Variants in LZTR1 observed in about 807,000 individuals in gnomAD.
LZTR1 encodes leucine zipper like post translational regulator 1, also known as leucine-zipper-like transcriptional regulator 1.
A neutral mutation model predicts 105.7 loss-of-function variants in LZTR1; 260 were observed. The observed-to-expected ratio is 2.46, with a 90% CI of 2.22 to 2.72. The LOEUF is 2.72. LZTR1 is among the 30% of genes most tolerant of loss of function. The probability of loss-of-function intolerance (pLI) is 0.00; values close to 1 mark genes in which losing one functional copy is unlikely to be tolerated. For missense variants in LZTR1, 1,214 were observed against 1,166.9 expected (o/e 1.04, Z -0.59); for synonymous variants, 490 against 476.4 (o/e 1.03, Z -0.37).
At chr22:20,982,635 T>C (rs1202347440) in intron 1 of LZTR1, 64 bp downstream of exon 1, 26 of 1,529,938 alleles carry the variant, frequency 1.7e-5, no homozygotes, top group Non-Finnish European at 2.2e-5. Flanking sequence ...CCAGGGCGGG[T>C]CCAGGGGCGA....
intron 2 of LZTR1, among the ~76,000 whole-genome samples, chr22:20,984,474 G>A (rs544178751): frequency 6.6e-6 from 1 of 152,334 alleles, no homozygotes; most frequent in South Asian, 2.1e-4. Flanking sequence ...TGACAACTGT[G>A]TAGCAATAAG....
chr22:20,983,864 C>T (rs1172587177), intron 2 of LZTR1, among the ~76,000 whole-genome samples: 1 of 152,184 alleles, frequency 6.6e-6, no homozygotes, highest in African/African-American at 2.4e-5. Context: ...GCCGGTGGGG[C>T]CCATTTACAA....
intron 16 of LZTR1, 92 bp from the exon 17 acceptor site, chr22:20,995,654 G>T (rs1601722632): frequency 1.3e-5 from 19 of 1,499,188 alleles, no homozygotes; most frequent in Non-Finnish European, 1.7e-5. Context: ...GTTCAGGGCA[G>T]CAACATGGGC....
chr22:20,996,300 G>A (rs1024861043), intron 18 of LZTR1, 188 bp downstream of exon 18: 13 of 653,210 alleles, frequency 2.0e-5, no homozygotes, highest in South Asian at 7.7e-5. Context: ...TGGCAAGGAG[G>A]GGTTTGCAGC....
intron 13 of LZTR1, 28 bp from the exon 14 acceptor site, chr22:20,994,076 G>A (rs901726849): frequency 1.3e-6 from 2 of 1,579,836 alleles, no homozygotes; most frequent in South Asian, 1.1e-5. Context: ...GTCCACTGGG[G>A]TGTCCTTGAG....
chr22:20,986,834 T>G (rs1601716447), intron 3 of LZTR1: 1 of 152,206 alleles, frequency 6.6e-6, no homozygotes, highest in Non-Finnish European at 1.5e-5. Flanking sequence ...GTGTGGATGG[T>G]CCTGGAGTAG....
At chr22:20,995,611 G>T (rs898749564) in intron 16 of LZTR1, 135 bp from the exon 17 acceptor site, 12 of 1,080,328 alleles carry the variant, frequency 1.1e-5, no homozygotes, top group Admixed American at 3.6e-5. Flanking sequence ...GGTACCTCAG[G>T]GCGAGTGAGG....
At chr22:20,986,601 AATAGATG>A (rs1924397182) in intron 3 of LZTR1, 1 of 152,222 alleles carries the variant, frequency 6.6e-6, no homozygotes, top group Non-Finnish European at 1.5e-5. Context: ...GATGACAGAC[AATAGATG>A]ATAGATGATA....
chr22:20,997,103 G>A (rs2147970737), intron 20 of LZTR1, 129 bp from the exon 21 acceptor site: 4 of 1,124,996 alleles, frequency 3.6e-6, no homozygotes, highest in African/African-American at 1.5e-5. Context: ...GCCCATCACT[G>A]GCCGCACCTT....
At chr22:20,996,584 G>C in intron 18 of LZTR1, 112 bp from the exon 19 acceptor site, 1 of 785,338 alleles carries the variant, frequency 1.3e-6, no homozygotes, top group Non-Finnish European at 2.2e-6. Flanking sequence ...AATCCATTTG[G>C]AGAGCATGCT....
Position 20,997,420 on chromosome 22 carries a change from C to CT in LZTR1, c.*73dup. ...CCCTGCCTACTGAGAAGACTACCGG[C>CT]TATGCGCATGCCTATGGCAGTGGGT... On this transcript the variant is annotated 3_prime_UTR_variant, in exon 21 of 21. Coordinates refer to ENST00000646124, the MANE Select transcript of LZTR1 (RefSeq NM_006767.4). 8.7e-7 allele frequency: 1 copy of CT among 1,142,954 alleles called. No individual in the cohort carries two copies. The highest frequency in any genetic ancestry group is 1.3e-6 in the Non-Finnish European group (1 of 757,024). 70.8% of individuals were successfully genotyped at this position (1,142,954 alleles called of 1,614,324 possible).
rs1314854801 is a variant in LZTR1, at chr22:20,992,810, T to C, written c.1166T>C (p.Leu389Pro). 2 of 1,600,498 alleles carry C rather than the reference T, an allele frequency of 1.2e-6. No homozygotes were observed. Among genetic ancestry groups the C allele is most frequent in the Admixed American group, 1.7e-5 (1 of 58,578 alleles). The change falls in exon 11 of 21, where the codon CTC (leucine) becomes CCC (proline). Residue 389 changes from leucine (L) to proline (P), a missense_variant. Physicochemically the swap from Leu to Pro is moderately conservative, Grantham distance 98 (BLOSUM62 -3). Coordinates refer to ENST00000646124, the MANE Select transcript of LZTR1 (RefSeq NM_006767.4). ...QPASELPSGR[L>P]FHAAAVISDA... ...GTCCCCCAGCTGCCCAGTGGGAGGC[T>C]CTTCCACGCGGCTGCTGTCATCTCG... is the stretch of plus-strand genomic sequence containing the variant.
intron 2 of LZTR1, among the ~76,000 whole-genome samples, chr22:20,983,825 C>T (rs1924283213): frequency 6.6e-6 from 1 of 152,218 alleles, no homozygotes; most frequent in Non-Finnish European, 1.5e-5. Flanking sequence ...TCAAGCCTGT[C>T]TTCCTCCCAC....
chr22:20,993,402 C>T, intron 11 of LZTR1: 2 of 568,198 alleles, frequency 3.5e-6, no homozygotes, highest in South Asian at 4.2e-5. Flanking sequence ...AGGCCTGGGG[C>T]CCAGCCGAAG....
chr22:20,991,271 G>A, intron 8 of LZTR1: 1 of 243,140 alleles, frequency 4.1e-6, no homozygotes. Flanking sequence ...CTCTGACTGG[G>A]CAGCGTGAAC....
At position 20,990,458 on chromosome 22, in the gene LZTR1, G is replaced by A. The variant is rs780354295; in HGVS notation, c.724G>A (p.Val242Ile). 1 of 1,614,086 alleles carries A rather than the reference G, an allele frequency of 6.2e-7. No homozygotes were observed. The highest frequency in any genetic ancestry group is 8.5e-7 in the Non-Finnish European group (1 of 1,180,016). Residue 242 changes from valine to isoleucine, a missense_variant, in exon 8 of 21, where the codon GTA (valine) becomes ATA (isoleucine). Val to Ile is a conservative substitution (Grantham distance 29, BLOSUM62 3). Transcript: ENST00000646124. ...PVAVCRDKMF[V>I]FSGQSGAKIT... ...GGCTGTGTGCCGGGACAAGATGTTT[G>A]TATTCTCTGGGCAAAGCGGAGCCAA...
At position 20,990,443 on chromosome 22, in the gene LZTR1, C is replaced by T. The variant is rs146197956; in HGVS notation, c.709C>T (p.Arg237Trp). The change falls in exon 8 of 21, where the codon CGG (arginine) becomes TGG (tryptophan). Residue 237 changes from arginine (R) to tryptophan (W), a missense_variant. Coordinates refer to ENST00000646124, the MANE Select transcript of LZTR1 (RefSeq NM_006767.4). The part of the protein sequence containing the change: ...SCCNFPVAVC[R>W]DKMFVFSGQS... ...CTGCAACTTCCCCGTGGCTGTGTGC[C>T]GGGACAAGATGTTTGTATTCTCTGG... is the stretch of plus-strand genomic sequence containing the variant. The T allele has an allele frequency of 1.8e-5, 29 of 1,613,928 alleles. No homozygotes were observed. Among genetic ancestry groups the T allele is most frequent in the Admixed American group, 5.0e-5 (3 of 59,992 alleles).
chr22:20,997,173 CCCA>C (rs1924890951), intron 20 of LZTR1, 56 bp from the exon 21 acceptor site: 4 of 1,257,332 alleles, frequency 3.2e-6, no homozygotes, highest in Non-Finnish European at 4.7e-6. Context: ...GGCTCCACTG[CCCA>C]CCATGGCCCT....
rs201773172 is a variant in LZTR1 at position 20,994,168 on chromosome 22, G to A, written c.1514G>A (p.Arg505Gln). Residue 505 changes from arginine to glutamine, a missense_variant, in exon 14 of 21, where the codon CGG becomes CAG. Physicochemically the swap from Arg to Gln is conservative, Grantham distance 43 (BLOSUM62 1). Transcript: ENST00000646124. The stretch of plus-strand genomic sequence containing the variant: ...CCCGGCGTGGCTGCTGGTGGGGCCC[G>A]GCCGCCCCTGCTGCACGTGGCCATC... ...EAPGVAAGGA[R>Q]PPLLHVAIRE... is the part of the protein sequence containing the mutation. 2.9e-5 allele frequency: 47 copies of A among 1,597,338 alleles called. No homozygotes were observed. The highest frequency in any genetic ancestry group is 3.2e-5 in the Non-Finnish European group (38 of 1,173,926).
Sources: allele counts gnomAD v4.1 joint callset (sites outside exome capture counted in the v4.1 genomes callset), GRCh38; gene constraint gnomAD v4.1.1; transcripts MANE v1.5; gene names NCBI Gene and HGNC (gene_info 2026-07-23, HGNC 2026-07-21).